Variants in GNB1 observed in about 807,000 individuals in gnomAD.
GNB1 encodes guanine nucleotide-binding protein G(I)/G(S)/G(T) subunit beta-1.
A neutral mutation model predicts 42.9 loss-of-function variants in GNB1; 2 were observed. That is an observed-to-expected ratio of 0.05 (90% CI 0.02 to 0.15). GNB1 has a LOEUF of 0.15. Ranked by LOEUF, GNB1 falls within the 10% of genes least tolerant of loss-of-function variation. GNB1 has a pLI of 1.00. For synonymous variants in GNB1, 183 were observed against 174.7 expected, an observed-to-expected ratio of 1.05 and a Z score of -0.38; for missense variants, 193 against 462.2, an observed-to-expected ratio of 0.42 and a Z score of 5.34.
chr1:1,849,269 T>C (rs770482326), intron 1 of GNB1, among the ~76,000 whole-genome samples: 2 of 152,204 alleles, frequency 1.3e-5, no homozygotes, highest in African/African-American at 2.4e-5. Flanking sequence ...ATATATCTCT[T>C]CATTTGCCTG....
chr1:1,863,004 T>C (rs1379669071), intron 1 of GNB1, among the ~76,000 whole-genome samples: 1 of 152,148 alleles, frequency 6.6e-6, no homozygotes, highest in Non-Finnish European at 1.5e-5. Flanking sequence ...CACATCCCTC[T>C]ACCTAAGAGC....
At chr1:1,822,405 G>A (rs1434412661) in intron 3 of GNB1, among the ~76,000 whole-genome samples, 1 of 149,838 alleles carries the variant, frequency 6.7e-6, no homozygotes, top group African/African-American at 2.5e-5. Flanking sequence ...CCAGGTTCAC[G>A]CCATTCCCTG....
intron 1 of GNB1, among the ~76,000 whole-genome samples, chr1:1,864,482 T>A (rs1648813432): frequency 6.6e-6 from 1 of 152,104 alleles, no homozygotes; most frequent in Non-Finnish European, 1.5e-5. Flanking sequence ...TCTCCCACTA[T>A]CATCACAAGT....
chr1:1,809,160 G>A, intron 5 of GNB1, among the ~76,000 whole-genome samples: 1 of 150,916 alleles, frequency 6.6e-6, no homozygotes, highest in East Asian at 2.0e-4. Context: ...ACTAAGTGCA[G>A]GCTCCCATCC....
At chr1:1,836,817 C>T (rs1231074883) in intron 2 of GNB1, among the ~76,000 whole-genome samples, 1 of 151,294 alleles carries the variant, frequency 6.6e-6, no homozygotes, top group Non-Finnish European at 1.5e-5. Context: ...TCCCAAAGTG[C>T]TGGGATTACA....
rs1647542404 is a variant in GNB1 at position 1,844,916 on chromosome 1, C to T, written c.-95-5678G>A. On this transcript the variant is annotated intron_variant, in intron 1 of 11. Transcript: ENST00000378609. ...CAGCCCCAAGAGTTTTGCCTAAAGG[C>T]CTGGGGGCTTGTAAGAAACAAAGTA... 3.3e-5 allele frequency among the ~76,000 whole-genome samples: 5 copies of T among 152,152 alleles called. 1 individual carries two copies. In the South Asian group the frequency reaches 1.0e-3, roughly 32 times the overall value.
chr1:1,856,210 G>A (rs1183652084), intron 1 of GNB1, among the ~76,000 whole-genome samples: 2 of 152,158 alleles, frequency 1.3e-5, no homozygotes, highest in Non-Finnish European at 2.9e-5. Flanking sequence ...TCAGAGATGG[G>A]CTGGTCTCGC....
intron 7 of GNB1, among the ~76,000 whole-genome samples, chr1:1,798,324 A>C (rs1056447795): frequency 2.0e-5 from 3 of 152,176 alleles, no homozygotes; most frequent in African/African-American, 7.2e-5. Context: ...GTTTACGGGG[A>C]GACAACATAT....
intron 4 of GNB1, 103 bp downstream of exon 4, chr1:1,817,734 C>A (rs895335116): frequency 3.6e-5 from 27 of 753,258 alleles, no homozygotes; most frequent in African/African-American, 6.9e-5. Flanking sequence ...ATCCTCACTG[C>A]GCAACAGAGA....
Position 1,800,082 on chromosome 1 carries a change from C to T in GNB1, c.430+4337G>A, listed in dbSNP as rs115451842. 3.6e-3 allele frequency among the ~76,000 whole-genome samples: 549 copies of T among 152,218 alleles called. 6 individuals are homozygous for T. Among genetic ancestry groups the T allele is most frequent in the African/African-American group, 0.012 (486 of 41,532 alleles). The stretch of plus-strand genomic sequence containing the variant: ...ATCAGTTAGTTCTGGAGAATGTAAC[C>T]GGACACAAAGTCTCTATGACACAAC... On this transcript the variant is annotated intron_variant, in intron 7 of 11. Coordinates refer to ENST00000378609, the MANE Select transcript of GNB1 (RefSeq NM_002074.5).
intron 1 of GNB1, among the ~76,000 whole-genome samples, chr1:1,842,212 CA>C (rs1647268283): frequency 6.6e-6 from 1 of 152,212 alleles, no homozygotes; most frequent in Non-Finnish European, 1.5e-5. Flanking sequence ...GGGCAGATCA[CA>C]AGGTCAGCAG....
At chr1:1,870,484 C>T (rs1460403738) in intron 1 of GNB1, among the ~76,000 whole-genome samples, 1 of 152,174 alleles carries the variant, frequency 6.6e-6, no homozygotes, top group East Asian at 1.9e-4. Flanking sequence ...TATAATCAGC[C>T]CGTCTTGTTT....
intron 1 of GNB1, among the ~76,000 whole-genome samples, chr1:1,846,147 T>C (rs377458081): frequency 1.9e-4 from 29 of 151,320 alleles, no homozygotes; most frequent in African/African-American, 6.8e-4. Context: ...TGACGAACAA[T>C]GGTAATGGAA....
At chr1:1,829,210 C>T (rs1647041986) in intron 2 of GNB1, among the ~76,000 whole-genome samples, 1 of 152,128 alleles carries the variant, frequency 6.6e-6, no homozygotes, top group South Asian at 2.1e-4. Flanking sequence ...GCGTATGCTA[C>T]CACGCTTGGC....
intron 7 of GNB1, among the ~76,000 whole-genome samples, chr1:1,803,938 C>T (rs770765049): frequency 1.1e-4 from 15 of 131,484 alleles, no homozygotes; most frequent in Admixed American, 2.7e-4. Flanking sequence ...GCCAAGAATG[C>T]GCTGCTGCAC....
At chr1:1,824,349 T>C (rs1178788962) in intron 3 of GNB1, among the ~76,000 whole-genome samples, 3 of 152,080 alleles carry the variant, frequency 2.0e-5, no homozygotes, top group Admixed American at 6.6e-5. Context: ...TTCAGAAAGT[T>C]ATGAGGCAAG....
chr1:1,822,028 G>C (rs577098126), intron 3 of GNB1, among the ~76,000 whole-genome samples: 5 of 152,122 alleles, frequency 3.3e-5, no homozygotes, highest in African/African-American at 1.2e-4. Context: ...CCAGCTACTC[G>C]GGAGGCTGCA....
intron 5 of GNB1, among the ~76,000 whole-genome samples, chr1:1,806,837 G>A (rs1334646869): frequency 6.6e-6 from 1 of 152,154 alleles, no homozygotes; most frequent in African/African-American, 2.4e-5. Flanking sequence ...AGCCGGGCAT[G>A]GTAGTGCGTC....
At chr1:1,889,980 T>C (rs1485699143) in intron 1 of GNB1, among the ~76,000 whole-genome samples, 1 of 150,252 alleles carries the variant, frequency 6.7e-6, no homozygotes, top group African/African-American at 2.4e-5. Flanking sequence ...GCCTTCGGAA[T>C]ATCGCAAACC....
Sources: gnomAD v4.1 joint callset for allele counts (sites outside exome capture counted in the v4.1 genomes callset) on GRCh38, gnomAD v4.1.1 for gene constraint, MANE v1.5 for transcripts, NCBI Gene and HGNC (gene_info 2026-07-23, HGNC 2026-07-21) for gene names.